Variants in CSMD3 observed in about 807,000 individuals in gnomAD.
CSMD3 encodes CUB and Sushi multiple domains 3, also known as CUB and sushi domain-containing protein 3.
A neutral mutation model predicts 435.2 loss-of-function variants in CSMD3; 177 were observed. That is an observed-to-expected ratio of 0.41 (90% CI 0.36 to 0.46). The LOEUF (loss-of-function observed/expected upper bound fraction) is 0.46. Ranked by LOEUF, CSMD3 falls within the 20% of genes least tolerant of loss-of-function variation. The pLI, the probability that CSMD3 is intolerant of heterozygous loss-of-function variation, is 0.34. For synonymous variants in CSMD3, 1,656 were observed against 1,520.5 expected, an observed-to-expected ratio of 1.09 and a Z score of -2.07; for missense variants, 4,265 against 4,504.6, an observed-to-expected ratio of 0.95 and a Z score of 1.52.
chr8:113,385,517 C>G (rs1476553450), intron 1 of CSMD3, among the ~76,000 whole-genome samples: 1 of 152,042 alleles, frequency 6.6e-6, no homozygotes, highest in African/African-American at 2.4e-5. Flanking sequence ...GAATACATTA[C>G]CAAGTAGAGG....
intron 10 of CSMD3, among the ~76,000 whole-genome samples, chr8:112,866,258 A>G (rs2080978953): frequency 6.6e-6 from 1 of 152,102 alleles, no homozygotes; most frequent in Non-Finnish European, 1.5e-5. Flanking sequence ...TTTCCACTTG[A>G]GCAAATTCAA....
At chr8:112,758,946 A>G (rs774972721) in intron 13 of CSMD3, among the ~76,000 whole-genome samples, 4 of 152,180 alleles carry the variant, frequency 2.6e-5, no homozygotes, top group Non-Finnish European at 4.4e-5. Flanking sequence ...TTGAGGCAGG[A>G]TTATATAATT....
chr8:112,433,361 A>T (rs1037766104), intron 32 of CSMD3, among the ~76,000 whole-genome samples: 15 of 146,122 alleles, frequency 1.0e-4, no homozygotes, highest in African/African-American at 3.5e-4. Context: ...TGTTACCTTT[A>T]AAAAAAAAAA....
intron 11 of CSMD3, among the ~76,000 whole-genome samples, chr8:112,833,694 G>T (rs2079943255): frequency 6.6e-6 from 1 of 151,716 alleles, no homozygotes; most frequent in Admixed American, 6.6e-5. Context: ...GTGTGTATGT[G>T]TGTGTGTGTG....
chr8:112,772,846 T>C (rs1337359978), intron 13 of CSMD3, among the ~76,000 whole-genome samples: 2 of 152,080 alleles, frequency 1.3e-5, no homozygotes, highest in Non-Finnish European at 2.9e-5. Context: ...ACAGCACTTT[T>C]TTCTTTACCT....
intron 2 of CSMD3, among the ~76,000 whole-genome samples, chr8:113,305,311 T>A (rs189273195): frequency 0.015 from 2,257 of 152,038 alleles, 28 homozygotes; most frequent in Non-Finnish European, 0.019. Flanking sequence ...TAATAATAAA[T>A]AAATTTTTAA....
intron 7 of CSMD3, among the ~76,000 whole-genome samples, chr8:112,974,614 A>C (rs1173725194): frequency 6.6e-6 from 1 of 151,896 alleles, no homozygotes. Flanking sequence ...ATAATAGGAA[A>C]GTGAATATAG....
At chr8:113,036,901 A>G (rs1342171708) in intron 5 of CSMD3, among the ~76,000 whole-genome samples, 3 of 152,096 alleles carry the variant, frequency 2.0e-5, no homozygotes, top group Admixed American at 6.6e-5. Flanking sequence ...AAAATATTTA[A>G]GGAGACATTT....
intron 1 of CSMD3, among the ~76,000 whole-genome samples, chr8:113,364,966 C>T (rs1384459631): frequency 6.6e-6 from 1 of 152,014 alleles, no homozygotes; most frequent in African/African-American, 2.4e-5. Context: ...ATGTATAGTA[C>T]ACCAGATTGA....
chr8:112,757,387 T>A lies in CSMD3; in HGVS notation c.1972+42775A>T, dbSNP rs112496940. On this transcript the variant is annotated intron_variant, in intron 13 of 70. Coordinates refer to ENST00000297405, the MANE Select transcript of CSMD3 (RefSeq NM_198123.2). ...TTATATGTGCATATATATTTAGATG[T>A]ATATATATACATATATGTAATATTG... Among the ~76,000 whole-genome samples the A allele has an allele frequency of 2.6e-4, 39 of 152,170 alleles. 1 individual carries two copies. Among genetic ancestry groups the A allele is most frequent in the African/African-American group, 8.4e-4 (35 of 41,536 alleles).
chr8:113,110,211 A>G (rs938905510), intron 4 of CSMD3, among the ~76,000 whole-genome samples: 2 of 152,136 alleles, frequency 1.3e-5, no homozygotes, highest in Non-Finnish European at 1.5e-5. Context: ...TCCTGTACAC[A>G]TCTTCATTTT....
At chr8:113,076,931 C>T (rs763429995) in intron 5 of CSMD3, among the ~76,000 whole-genome samples, 6 of 151,936 alleles carry the variant, frequency 3.9e-5, no homozygotes, top group Non-Finnish European at 8.8e-5. Context: ...TTATACTATT[C>T]CTGAAGTGAC....
At chr8:112,502,474 A>C (rs1461027314) in intron 30 of CSMD3, among the ~76,000 whole-genome samples, 2 of 152,174 alleles carry the variant, frequency 1.3e-5, no homozygotes, top group African/African-American at 4.8e-5. Flanking sequence ...ATACAGTTCC[A>C]AGTGATGACA....
chr8:113,324,094 G>A (rs1024655286), intron 1 of CSMD3, among the ~76,000 whole-genome samples: 2 of 152,154 alleles, frequency 1.3e-5, no homozygotes, highest in Non-Finnish European at 2.9e-5. Context: ...CTTGGGTGTT[G>A]TTAAAGGCAT....
intron 1 of CSMD3, among the ~76,000 whole-genome samples, chr8:113,327,770 A>T (rs1339648559): frequency 3.5e-5 from 5 of 142,584 alleles, no homozygotes; most frequent in Non-Finnish European, 7.7e-5. Flanking sequence ...TCATTTGTTT[A>T]AAAAAAAAAA....
At chr8:112,735,142 A>G (rs1438864378) in intron 13 of CSMD3, among the ~76,000 whole-genome samples, 1 of 152,064 alleles carries the variant, frequency 6.6e-6, no homozygotes, top group Non-Finnish European at 1.5e-5. Flanking sequence ...AAATGAAATA[A>G]TAAAAATAAT....
In CSMD3 at chr8:113,075,197, T is replaced by C. The variant is rs1045862474; in HGVS notation, c.917+23559A>G. 4.0e-5 allele frequency among the ~76,000 whole-genome samples: 6 copies of C among 151,870 alleles called. No homozygotes were observed. In the South Asian group the frequency reaches 8.3e-4, roughly 21 times the overall value. ...TGCTAATAAAAATAGAAATCTCGTA[T>C]TAAAAACAAATTTTAATAATCATAT... On this transcript the variant is annotated intron_variant, in intron 5 of 70. Transcript: ENST00000297405.
At chr8:113,366,338 T>C (rs891993191) in intron 1 of CSMD3, among the ~76,000 whole-genome samples, 1 of 151,944 alleles carries the variant, frequency 6.6e-6, no homozygotes, top group Non-Finnish European at 1.5e-5. Flanking sequence ...TGATTTCTAA[T>C]ACATTCATTT....
In CSMD3 at chr8:113,288,798, T is replaced by C. The variant is rs766408336; in HGVS notation, c.402-10094A>G. 9.4e-4 allele frequency among the ~76,000 whole-genome samples: 143 copies of C among 151,840 alleles called. 2 individuals carry two copies. The highest frequency in any genetic ancestry group is 7.4e-4 in the Non-Finnish European group (50 of 67,792). On this transcript the variant is annotated intron_variant, in intron 2 of 70. Transcript: ENST00000297405. ...TTCATTCTGCTGCTTATTAGCAGTG[T>C]AATATTGGGCAAGCTACTTTATTCC...
Sources: allele counts gnomAD v4.1 joint callset (sites outside exome capture counted in the v4.1 genomes callset), GRCh38; gene constraint gnomAD v4.1.1; transcripts MANE v1.5; gene names NCBI Gene and HGNC (gene_info 2026-07-23, HGNC 2026-07-21).